Variants in FBXW11 observed in about 807,000 individuals in gnomAD.
FBXW11 encodes F-box and WD repeat domain containing 11, also known as F-box/WD repeat-containing protein 11.
A neutral mutation model predicts 77.6 loss-of-function variants in FBXW11; 19 were observed. That is an observed-to-expected ratio of 0.24 (90% CI 0.17 to 0.36). The LOEUF is 0.36. Among genes scored for constraint, FBXW11 ranks in the 10% least tolerant of loss-of-function variants. FBXW11 has a pLI of 1.00. For missense variants in FBXW11, 334 were observed against 704.2 expected (o/e 0.47, Z 5.95); for synonymous variants, 235 against 249.4 (o/e 0.94, Z 0.54).
intron 10 of FBXW11, 58 bp downstream of exon 10, chr5:171,872,814 T>G: frequency 8.3e-7 from 1 of 1,201,650 alleles, no homozygotes; most frequent in Non-Finnish European, 1.2e-6. Context: ...AACTAGGAGA[T>G]GAGTCAACAA....
chr5:171,890,039 A>G (rs905699364), intron 7 of FBXW11, among the ~76,000 whole-genome samples: 69 of 152,224 alleles, frequency 4.5e-4, no homozygotes, highest in African/African-American at 1.6e-3. Context: ...AACCCATTTT[A>G]AAATGGGTAA....
At chr5:171,892,043 A>G (rs1363098603) in intron 6 of FBXW11, among the ~76,000 whole-genome samples, 1 of 152,246 alleles carries the variant, frequency 6.6e-6, no homozygotes, top group Non-Finnish European at 1.5e-5. Flanking sequence ...AGCAACTACT[A>G]TAAGCCAACT....
At chr5:171,882,961 C>A (rs1182048049) in intron 7 of FBXW11, among the ~76,000 whole-genome samples, 1 of 151,772 alleles carries the variant, frequency 6.6e-6, no homozygotes, top group East Asian at 1.9e-4. Flanking sequence ...CCCAAGTCCC[C>A]AAAGTCCAAT....
chr5:171,872,883 A>ATCTGAT lies in FBXW11; in HGVS notation c.1323_1328dup (p.Ser442_Asp443insGluSer). The ATCTGAT allele has an allele frequency of 6.2e-7, 1 of 1,613,512 alleles. No homozygotes were observed. Among genetic ancestry groups the ATCTGAT allele is most frequent in the Non-Finnish European group, 8.5e-7 (1 of 1,179,426 alleles). On this transcript the variant is annotated inframe_insertion, in exon 10 of 14. Transcript: ENST00000517395. ...CAACTTCTACCCACCTAATGGTATTATCTGATGATCCACTAACAACCAGGC... is the reference window on the plus strand; with the variant it reads ...CAACTTCTACCCACCTAATGGTATTATCTGATTCTGATGATCCACTAACAACCAGGC...
chr5:171,977,890 G>A, intron 1 of FBXW11: 2 of 210,958 alleles, frequency 9.5e-6, no homozygotes, highest in Non-Finnish European at 2.0e-5. Flanking sequence ...AATATGGGTA[G>A]GGATACAGCC....
At chr5:171,979,332 A>AATAC (rs371289706) in intron 1 of FBXW11, among the ~76,000 whole-genome samples, 1,882 of 152,046 alleles carry the variant, frequency 0.012, 20 homozygotes, top group Non-Finnish European at 0.019. Context: ...ATACATACAT[A>AATAC]ATACATACAT....
intron 2 of FBXW11, among the ~76,000 whole-genome samples, chr5:171,929,461 C>T (rs1309024181): frequency 6.6e-6 from 1 of 152,082 alleles, no homozygotes; most frequent in African/African-American, 2.4e-5. Context: ...ATAGTCAATG[C>T]AACAGAGCAA....
intron 6 of FBXW11, among the ~76,000 whole-genome samples, chr5:171,893,956 G>A (rs961846128): frequency 7.9e-5 from 12 of 151,662 alleles, no homozygotes; most frequent in Non-Finnish European, 1.8e-4. Flanking sequence ...GTCTGAGGGG[G>A]AAACAATTAT....
chr5:171,968,223 G>A (rs542102196), intron 1 of FBXW11, among the ~76,000 whole-genome samples: 3 of 152,196 alleles, frequency 2.0e-5, no homozygotes, highest in East Asian at 1.9e-4. Flanking sequence ...TTGGGAGGCC[G>A]AGGTGGGCGG....
chr5:171,957,733 C>A (rs1561721514), intron 1 of FBXW11, 35 bp from the exon 2 acceptor site: 1 of 1,563,864 alleles, frequency 6.4e-7, no homozygotes, highest in Non-Finnish European at 8.8e-7. Flanking sequence ...AGAGAAGAAG[C>A]AGTTAGAGGC....
intron 1 of FBXW11, among the ~76,000 whole-genome samples, chr5:171,982,781 AATC>A (rs1292372141): frequency 6.6e-6 from 1 of 152,106 alleles, no homozygotes; most frequent in East Asian, 1.9e-4. Context: ...CAGGAAACGG[AATC>A]TCGGTGACCT....
At chr5:171,924,319 G>GT (rs969783296) in intron 2 of FBXW11, among the ~76,000 whole-genome samples, 1 of 152,092 alleles carries the variant, frequency 6.6e-6, no homozygotes, top group African/African-American at 2.4e-5. Flanking sequence ...TTCTATTCCT[G>GT]TTTGCCAGCT....
intron 2 of FBXW11, among the ~76,000 whole-genome samples, chr5:171,945,744 G>A (rs11749117): frequency 0.012 from 1,811 of 152,184 alleles, 13 homozygotes; most frequent in Non-Finnish European, 0.018. Context: ...CCAAATCACC[G>A]CTGACTAAAT....
At chr5:171,874,081 C>T (rs1757923676) in intron 9 of FBXW11, among the ~76,000 whole-genome samples, 1 of 152,142 alleles carries the variant, frequency 6.6e-6, no homozygotes, top group Admixed American at 6.5e-5. Flanking sequence ...GAAAAGACAA[C>T]TCACAGAAAG....
intron 4 of FBXW11, 141 bp from the exon 5 acceptor site, chr5:171,900,241 A>C: frequency 1.5e-6 from 1 of 658,874 alleles, no homozygotes; most frequent in Non-Finnish European, 2.5e-6. Flanking sequence ...ACAGATACTC[A>C]AATCCATGAG....
intron 2 of FBXW11, among the ~76,000 whole-genome samples, chr5:171,915,201 G>C (rs1017505588): frequency 6.6e-6 from 1 of 152,094 alleles, no homozygotes. Context: ...ACTCATTTAT[G>C]GATAGCAGTC....
chr5:171,914,485 C>A, intron 2 of FBXW11, 80 bp from the exon 3 acceptor site: 4 of 1,253,490 alleles, frequency 3.2e-6, no homozygotes, highest in Non-Finnish European at 4.4e-6. Context: ...ATTTTGAAAA[C>A]CCAAACTAGA....
chr5:171,900,784 A>C (rs839282), intron 4 of FBXW11, among the ~76,000 whole-genome samples: 131,291 of 152,210 alleles, frequency 0.86, 57,872 homozygotes, highest in East Asian at 1. Flanking sequence ...CCTCAAAAGC[A>C]ATAGCCCCAT....
At chr5:171,882,498 TCTCC>T (rs1399636688) in intron 7 of FBXW11, among the ~76,000 whole-genome samples, 1 of 152,026 alleles carries the variant, frequency 6.6e-6, no homozygotes, top group Non-Finnish European at 1.5e-5. Flanking sequence ...AGAGACAGGG[TCTCC>T]CTATGTTTCC....
Sources: gnomAD v4.1 joint callset for allele counts (sites outside exome capture counted in the v4.1 genomes callset) on GRCh38, gnomAD v4.1.1 for gene constraint, MANE v1.5 for transcripts, NCBI Gene and HGNC (gene_info 2026-07-23, HGNC 2026-07-21) for gene names.